SLCO1A2: variants seen among roughly 807,000 people sequenced by gnomAD.
SLCO1A2 encodes OATP-1.
A neutral mutation model predicts 69.0 loss-of-function variants in SLCO1A2; 67 were observed. The observed-to-expected ratio is 0.97, with a 90% CI of 0.80 to 1.19. The LOEUF is 1.19. Ranked by LOEUF, SLCO1A2 falls within the 50% of genes most tolerant of loss-of-function variation. SLCO1A2 has a pLI of 0.00. For missense variants in SLCO1A2, 787 were observed against 793.7 expected, an observed-to-expected ratio of 0.99 and a Z score of 0.10; for synonymous variants, 260 against 265.9, an observed-to-expected ratio of 0.98 and a Z score of 0.22.
At chr12:21,363,987 A>C (rs1431056639) in intron 2 of SLCO1A2, among the ~76,000 whole-genome samples, 1 of 152,230 alleles carries the variant, frequency 6.6e-6, no homozygotes, top group Non-Finnish European at 1.5e-5. Flanking sequence ...AGCTGGTACC[A>C]TTCCTTCTGA....
Position 21,319,754 on chromosome 12 carries a change from G to C in SLCO1A2, c.61-831C>G, listed in dbSNP as rs190191022. ...TTTATCAATCATACTTCCTATTATT[G>C]GTATAGTTCCAGGAAACAGTGAGGT... On this transcript the variant is annotated intron_variant, in intron 2 of 14. Transcript: ENST00000683939. Among the ~76,000 whole-genome samples the C allele has an allele frequency of 2.3e-3, 354 of 152,002 alleles. 2 individuals carry two copies. Among genetic ancestry groups the C allele is most frequent in the African/African-American group, 8.2e-3 (341 of 41,462 alleles).
chr12:21,388,574 A>T lies in SLCO1A2; in HGVS notation c.-190+6332T>A, dbSNP rs528334075. Among the ~76,000 whole-genome samples, 23 of 152,198 alleles carry T rather than the reference A, an allele frequency of 1.5e-4. No homozygotes were observed. In the South Asian group the frequency reaches 1.7e-3, roughly 11 times the overall value. Reference sequence around the variant, plus strand: ...GCCTCCCCAGCCATGTGGAACTATGAGTCCCTTAAATCTCTCTTTATTTAT... The same window carrying T: ...GCCTCCCCAGCCATGTGGAACTATGTGTCCCTTAAATCTCTCTTTATTTAT... On this transcript the variant is annotated intron_variant, in intron 1 of 15. Transcript: ENST00000307378.
intron 12 of SLCO1A2, among the ~76,000 whole-genome samples, chr12:21,279,894 A>G (rs1944490720): frequency 6.6e-6 from 1 of 152,214 alleles, no homozygotes; most frequent in Non-Finnish European, 1.5e-5. Context: ...TTTTCAAGAC[A>G]CAGACAGTAA....
In SLCO1A2 at chr12:21,300,467, A is replaced by T. The variant is rs778001483; in HGVS notation, c.791T>A (p.Phe264Tyr). ...GVNVLTAIPFFFLPNTLPKEG... is the reference protein window; with the variant it reads ...GVNVLTAIPFYFLPNTLPKEG... ...CTTTGGAAGTGTGTTGGGCAAAAAG[A>T]AAAAAGGAATGGCAGTGAGCACGTT... Residue 264 changes from phenylalanine to tyrosine, a missense_variant, in exon 8 of 15, where the codon TTC becomes TAC. Transcript: ENST00000683939. 6 of 1,613,516 alleles carry T rather than the reference A, an allele frequency of 3.7e-6. No homozygotes were observed. The highest frequency in any genetic ancestry group is 5.1e-6 in the Non-Finnish European group (6 of 1,179,722).
At chr12:21,272,291 A>T (rs185504518) in intron 14 of SLCO1A2, among the ~76,000 whole-genome samples, 1 of 152,020 alleles carries the variant, frequency 6.6e-6, no homozygotes, top group East Asian at 1.9e-4. Flanking sequence ...TTATCTGTAT[A>T]TTCAATTACT....
rs751245915 is a variant in SLCO1A2, at chr12:21,301,188, G to T, written c.671C>A (p.Thr224Asn). The T allele has an allele frequency of 7.5e-6, 12 of 1,609,912 alleles. No individual in the cohort carries two copies. The highest frequency in any genetic ancestry group is 9.3e-6 in the Non-Finnish European group (11 of 1,177,054). Reference sequence around the variant, plus strand: ...TGAATTACCTGTGTTCACAAATCCAGTGTCAACATAAACATTTGCACAGAA... The same window carrying T: ...TGAATTACCTGTGTTCACAAATCCATTGTCAACATAAACATTTGCACAGAA... Reference protein sequence around the residue: ...ASFCANVYVDTGFVNTDDLII... With the variant: ...ASFCANVYVDNGFVNTDDLII... Residue 224 changes from threonine (T) to asparagine (N), a missense_variant, in exon 7 of 15, where the codon ACT (threonine) becomes AAT (asparagine). Thr to Asn is a moderately conservative substitution (Grantham distance 65). Transcript: ENST00000683939.
upstream of SLCO1A2, among the ~76,000 whole-genome samples, chr12:21,338,905 T>G (rs1952977671): frequency 6.6e-6 from 1 of 152,002 alleles, no homozygotes; most frequent in Admixed American, 6.6e-5. Flanking sequence ...CATAAATTTA[T>G]GTAGGGAGGC....
Position 21,275,422 on chromosome 12 carries a change from C to T in SLCO1A2, c.1613G>A (p.Cys538Tyr), listed in dbSNP as rs760017435. ...AIPGYMVLLR[C>Y]MKSEEKSLGV... ...AAGGGACTTCTCTTCAGATTTCATA[C>T]ACCTGAAAAGTAAATAAGTTTGTAA... The change falls in exon 13 of 15, where the codon TGT (cysteine) becomes TAT (tyrosine). Residue 538 changes from cysteine (C) to tyrosine (Y), a missense_variant and splice_region_variant. Transcript: ENST00000683939. The T allele has an allele frequency of 1.2e-5, 18 of 1,480,920 alleles. No individual in the cohort carries two copies. Among genetic ancestry groups the T allele is most frequent in the East Asian group, 2.3e-5 (1 of 42,942 alleles). 91.7% of individuals were successfully genotyped at this position (1,480,920 alleles called of 1,614,324 possible). A position where few individuals can be genotyped will look rare whatever the true frequency, so the allele number is the denominator to read the frequency against.
Position 21,269,606 on chromosome 12 carries a change from T to C in SLCO1A2, c.1955A>G (p.Lys652Arg). Residue 652 changes from lysine (K) to arginine (R), a missense_variant, in exon 15 of 15, where the codon AAA (lysine) becomes AGA (arginine). By Grantham distance (26) the Lys-to-Arg change is conservative. Coordinates refer to ENST00000683939, the MANE Select transcript of SLCO1A2 (RefSeq NM_001386879.1). ...AACCGTGGACTTTTGGTATATATCT[T>C]TGCACTCATTTTCCTTCCCTTTGAC... ...TKVKGKENEC[K>R]DIYQKSTVLK... is the part of the protein sequence containing the mutation. 1 of 1,612,676 alleles carries C rather than the reference T, an allele frequency of 6.2e-7. No individual in the cohort carries two copies. Among genetic ancestry groups the C allele is most frequent in the Non-Finnish European group, 8.5e-7 (1 of 1,179,074 alleles).
chr12:21,332,380 T>C (rs1187170017), intron 2 of SLCO1A2, among the ~76,000 whole-genome samples: 2 of 152,022 alleles, frequency 1.3e-5, no homozygotes, highest in African/African-American at 4.8e-5. Context: ...GAGACCAAGG[T>C]TTTATCATGC....
chr12:21,380,699 C>T (rs998126760), intron 1 of SLCO1A2, among the ~76,000 whole-genome samples: 1 of 152,048 alleles, frequency 6.6e-6, no homozygotes, highest in Admixed American at 6.6e-5. Flanking sequence ...ATTGGAGGTA[C>T]CAACAGTAAA....
chr12:21,361,664 C>G (rs1298190166), intron 2 of SLCO1A2, among the ~76,000 whole-genome samples: 4 of 152,142 alleles, frequency 2.6e-5, no homozygotes, highest in East Asian at 3.9e-4. Context: ...AGACGAATGG[C>G]AGTGTAGAGA....
rs189624226 is a variant in SLCO1A2, at chr12:21,391,955, C to T, written c.-190+2951G>A. On this transcript the variant is annotated intron_variant, in intron 1 of 15. Coordinates refer to the SLCO1A2 transcript ENST00000307378. ...TCTCCTTCTGCCTTCCTTTTTCTCC[C>T]ACAATTGAACAAAGCTGCTCTATCT... 6.5e-4 allele frequency among the ~76,000 whole-genome samples: 99 copies of T among 152,188 alleles called. 1 individual carries two copies. Among genetic ancestry groups the T allele is most frequent in the African/African-American group, 2.3e-3 (94 of 41,534 alleles).
At chr12:21,281,751 G>C (rs1293303359) in intron 12 of SLCO1A2, among the ~76,000 whole-genome samples, 2 of 151,962 alleles carry the variant, frequency 1.3e-5, no homozygotes, top group South Asian at 2.1e-4. Flanking sequence ...GACATCCAAA[G>C]GATTTTAAGA....
chr12:21,373,433 T>C lies in SLCO1A2; in HGVS notation c.-63+966A>G, dbSNP rs138036034. ...TCTGAAAGCTACACCCATTGAAAGG[T>C]TGGTAACTTTAAAATCCTGTTTCTT... On this transcript the variant is annotated intron_variant, in intron 2 of 15. Transcript: ENST00000307378. 2.0e-4 allele frequency: 316 copies of C among 1,604,966 alleles called. No individual in the cohort carries two copies. In the Middle Eastern group the frequency reaches 2.8e-3, roughly 14 times the overall value.
chr12:21,403,925 T>C (rs1941780419), intron 1 of SLCO1A2, among the ~76,000 whole-genome samples: 1 of 152,112 alleles, frequency 6.6e-6, no homozygotes, highest in South Asian at 2.1e-4. Flanking sequence ...TTGAGTAAAC[T>C]GACACACATA....
intron 12 of SLCO1A2, among the ~76,000 whole-genome samples, chr12:21,286,846 TACA>T (rs1301871373): frequency 7.4e-5 from 11 of 148,054 alleles, no homozygotes; most frequent in African/African-American, 2.8e-4. Flanking sequence ...TTACACCTTA[TACA>T]AAAATCAATT....
chr12:21,270,045 A>G (rs1239732293), intron 14 of SLCO1A2, among the ~76,000 whole-genome samples: 1 of 151,680 alleles, frequency 6.6e-6, no homozygotes, highest in Non-Finnish European at 1.5e-5. Context: ...TTCATTGAGT[A>G]GGATCTTCAC....
At chr12:21,379,411 T>C (rs1940442072) in intron 1 of SLCO1A2, 1 of 152,238 alleles carries the variant, frequency 6.6e-6, no homozygotes, top group African/African-American at 2.4e-5. Flanking sequence ...AGTCATATTC[T>C]TATGCAGGGT....
Sources: allele counts gnomAD v4.1 joint callset (sites outside exome capture counted in the v4.1 genomes callset), GRCh38; gene constraint gnomAD v4.1.1; transcripts MANE v1.5; gene names NCBI Gene and HGNC (gene_info 2026-07-23, HGNC 2026-07-21).